Variants in CEPT1 observed in about 807,000 individuals in gnomAD.
The protein encoded by CEPT1 is choline/ethanolaminephosphotransferase 1.
CEPT1 carries 7 observed loss-of-function variants against 42.6 expected under a neutral mutation model. The ratio of observed to expected loss-of-function variants is 0.16; its 90% CI spans 0.09 to 0.31. The LOEUF is 0.31. Ranked by LOEUF, CEPT1 falls within the 10% of genes least tolerant of loss-of-function variation. The probability of loss-of-function intolerance (pLI) is 1.00; values close to 1 mark genes in which losing one functional copy is unlikely to be tolerated. For missense variants in CEPT1, 306 were observed against 502.1 expected (o/e 0.61, Z 3.73); for synonymous variants, 171 against 171.9 (o/e 0.99, Z 0.04).
chr1:111,159,318 T>C (rs978105668), intron 2 of CEPT1, 62 bp from the exon 3 acceptor site: 9 of 1,517,336 alleles, frequency 5.9e-6, no homozygotes, highest in Non-Finnish European at 6.2e-6. Flanking sequence ...GGTAAAAATA[T>C]GTTAGTCAAA....
intron 2 of CEPT1, among the ~76,000 whole-genome samples, chr1:111,153,268 T>C (rs1655384062): frequency 6.6e-6 from 1 of 152,170 alleles, no homozygotes; most frequent in Admixed American, 6.5e-5. Context: ...ACATGATGTC[T>C]TCCAGGCTCA....
chr1:111,178,185 C>A (rs1418510351), intron 5 of CEPT1: 2 of 152,174 alleles, frequency 1.3e-5, no homozygotes, highest in Non-Finnish European at 2.9e-5. Flanking sequence ...ATGAAATTTA[C>A]ATCTCTTCTG....
chr1:111,149,424 G>T (rs58987328), intron 2 of CEPT1, among the ~76,000 whole-genome samples: 1 of 151,862 alleles, frequency 6.6e-6, no homozygotes, highest in Non-Finnish European at 1.5e-5. Flanking sequence ...CATCACGCCC[G>T]GCTAATTTTT....
At chr1:111,172,458 T>C (rs1395656790) in intron 4 of CEPT1, among the ~76,000 whole-genome samples, 2 of 152,192 alleles carry the variant, frequency 1.3e-5, no homozygotes, top group Non-Finnish European at 2.9e-5. Flanking sequence ...TCTAAATAAC[T>C]GTATTTCCTG....
At chr1:111,180,651 A>G (rs1387391412) in intron 5 of CEPT1, 4 of 152,066 alleles carry the variant, frequency 2.6e-5, no homozygotes, top group Non-Finnish European at 5.9e-5. Flanking sequence ...TTTGATTTCA[A>G]TTTTTTTTAG....
At chr1:111,165,089 G>A (rs573396674) in intron 4 of CEPT1, among the ~76,000 whole-genome samples, 6 of 109,068 alleles carry the variant, frequency 5.5e-5, no homozygotes, top group South Asian at 3.1e-4. Flanking sequence ...TCACTGTGTC[G>A]CCCAGGCTAG....
chr1:111,184,208 T>C lies in CEPT1; in HGVS notation c.1149T>C (p.Asp383=). ...CTTTCCAGGTTTTCTCTTTCTTTGATTTGATCCGCTACTGTGTCAGTGTTT... is the reference window on the plus strand; with the variant it reads ...CTTTCCAGGTTTTCTCTTTCTTTGACTTGATCCGCTACTGTGTCAGTGTTT... ...LWIALVFSFF[D]LIRYCVSVCN... is the part of the protein sequence containing the mutation. The change falls in exon 9 of 9, where the codon GAT becomes GAC. Residue 383 remains aspartate, a synonymous_variant. Transcript: ENST00000357172. The C allele has an allele frequency of 6.2e-7, 1 of 1,613,606 alleles. No individual in the cohort carries two copies. The highest frequency in any genetic ancestry group is 8.5e-7 in the Non-Finnish European group (1 of 1,179,582).
intron 2 of CEPT1, among the ~76,000 whole-genome samples, chr1:111,156,512 G>A (rs1357105606): frequency 1.3e-5 from 2 of 152,172 alleles, no homozygotes; most frequent in African/African-American, 4.8e-5. Flanking sequence ...CCTGAACCAT[G>A]TTGGAAGAAG....
At chr1:111,148,839 C>T (rs896967348) in intron 2 of CEPT1, among the ~76,000 whole-genome samples, 6 of 152,204 alleles carry the variant, frequency 3.9e-5, no homozygotes, top group Non-Finnish European at 5.9e-5. Context: ...GAGAGAATTA[C>T]AAGCATTTGT....
intron 2 of CEPT1, among the ~76,000 whole-genome samples, chr1:111,148,890 A>C (rs1655116530): frequency 6.6e-6 from 1 of 152,236 alleles, no homozygotes; most frequent in African/African-American, 2.4e-5. Context: ...CTGGTAATTC[A>C]GGACAGTAGA....
intron 5 of CEPT1, chr1:111,180,288 G>T (rs1656905839): frequency 6.6e-6 from 1 of 152,080 alleles, no homozygotes; most frequent in African/African-American, 2.4e-5. Flanking sequence ...TTGTCTCTAT[G>T]GAGTCAAAAG....
rs138637549 is a variant in CEPT1 at position 111,144,577 on chromosome 1, T to C, written c.-73-3065T>C. Among the ~76,000 whole-genome samples the C allele has an allele frequency of 3.9e-3, 587 of 152,320 alleles. 1 individual carries two copies. Among genetic ancestry groups the C allele is most frequent in the Non-Finnish European group, 5.8e-3 (392 of 68,034 alleles). On this transcript the variant is annotated intron_variant, in intron 1 of 8. Coordinates refer to ENST00000357172, the MANE Select transcript of CEPT1 (RefSeq NM_006090.5). ...GAAAAACTGAGAGGGAAAGTATCAG[T>C]TTATCAACTAGTCCTGCCAAATGCT...
At chr1:111,169,876 G>A (rs1024548114) in intron 4 of CEPT1, among the ~76,000 whole-genome samples, 1 of 152,064 alleles carries the variant, frequency 6.6e-6, no homozygotes, top group African/African-American at 2.4e-5. Context: ...AAAACACTCC[G>A]GTTTCTCTTC....
At chr1:111,149,456 C>T (rs370166859) in intron 2 of CEPT1, among the ~76,000 whole-genome samples, 95 of 151,986 alleles carry the variant, frequency 6.3e-4, no homozygotes, top group African/African-American at 2.2e-3. Flanking sequence ...AGAGACAGGG[C>T]TTCACCTTGT....
rs1446123202 is a variant in CEPT1, at chr1:111,174,983, G to A, written c.714+20G>A. On this transcript the variant is annotated intron_variant, in intron 5 of 8. Coordinates refer to ENST00000357172, the MANE Select transcript of CEPT1 (RefSeq NM_006090.5). The stretch of plus-strand genomic sequence containing the variant: ...TCTATGGTAACTTTGTTCACATTGT[G>A]TATCCCATGTAATGCATGTTGTCTT... The A allele has an allele frequency of 7.7e-6, 11 of 1,419,848 alleles. No individual in the cohort carries two copies. Among genetic ancestry groups the A allele is most frequent in the Non-Finnish European group, 1.1e-5 (11 of 1,003,194 alleles). 88.0% of individuals were successfully genotyped at this position (1,419,848 alleles called of 1,614,324 possible).
chr1:111,177,627 T>G (rs1281213343), intron 5 of CEPT1, among the ~76,000 whole-genome samples: 1 of 152,150 alleles, frequency 6.6e-6, no homozygotes, highest in Non-Finnish European at 1.5e-5. Context: ...TTATGATTTA[T>G]ACATATAATC....
At chr1:111,177,257 T>G (rs1244777581) in intron 5 of CEPT1, among the ~76,000 whole-genome samples, 1 of 152,184 alleles carries the variant, frequency 6.6e-6, no homozygotes, top group Non-Finnish European at 1.5e-5. Context: ...GATATGGGTC[T>G]GTGCACAAAG....
intron 8 of CEPT1, 72 bp downstream of exon 8, chr1:111,183,659 C>A: frequency 1.4e-6 from 2 of 1,420,290 alleles, no homozygotes; most frequent in Non-Finnish European, 9.8e-7. Flanking sequence ...TTTTGATGAC[C>A]CAGTCATGAA....
chr1:111,182,984 T>G, intron 7 of CEPT1, 27 bp downstream of exon 7: 1 of 1,596,448 alleles, frequency 6.3e-7, no homozygotes, highest in Non-Finnish European at 8.5e-7. Flanking sequence ...TTATTTGCTG[T>G]GTTTTTCACT....
Sources: allele counts gnomAD v4.1 joint callset (sites outside exome capture counted in the v4.1 genomes callset), GRCh38; gene constraint gnomAD v4.1.1; transcripts MANE v1.5; gene names NCBI Gene and HGNC (gene_info 2026-07-23, HGNC 2026-07-21).